The following CDK13 variants were observed in gnomAD, a reference collection of about 807,000 sequenced individuals.
CDK13 encodes the protein cyclin dependent kinase 13, also known as cyclin-dependent kinase 13.
A neutral mutation model predicts 137.6 loss-of-function variants in CDK13; 40 were observed. The observed-to-expected ratio is 0.29, with a 90% CI of 0.23 to 0.38. The LOEUF is 0.38. CDK13 is among the 10% of genes least tolerant of loss of function. The pLI, the probability that CDK13 is intolerant of heterozygous loss-of-function variation, is 1.00. For missense variants in CDK13, 1,704 were observed against 1,951.8 expected (o/e 0.87, Z 2.39); for synonymous variants, 869 against 760.1 (o/e 1.14, Z -2.36).
At chr7:39,957,628 C>G (rs75305039) in intron 1 of CDK13, among the ~76,000 whole-genome samples, 2 of 152,150 alleles carry the variant, frequency 1.3e-5, no homozygotes, top group Non-Finnish European at 2.9e-5. Context: ...CTTCTAGCTT[C>G]TACTTTATTA....
chr7:40,048,162 G>T, intron 7 of CDK13: 2 of 247,560 alleles, frequency 8.1e-6, no homozygotes, highest in Non-Finnish European at 1.5e-5. Flanking sequence ...TACGTATTCA[G>T]ATATTAAATA....
chr7:40,095,143 A>C lies in CDK13; in HGVS notation c.*163A>C, dbSNP rs946821730. On this transcript the variant is annotated 3_prime_UTR_variant, in exon 14 of 14. Transcript: ENST00000181839. ...CAATAGTTTAAAAAAGACAAAAAAA[A>C]CCTTTGCTTAAATTCATGCTGTTCT... 1.2e-5 allele frequency: 6 copies of C among 520,998 alleles called. No homozygotes were observed. The highest frequency in any genetic ancestry group is 7.9e-5 in the African/African-American group (4 of 50,916). 32.3% of individuals were successfully genotyped at this position (520,998 alleles called of 1,614,324 possible). A position where few individuals can be genotyped will look rare whatever the true frequency, so the allele number is the denominator to read the frequency against.
chr7:40,003,995 C>G (rs1020375010), intron 5 of CDK13, among the ~76,000 whole-genome samples: 1 of 152,176 alleles, frequency 6.6e-6, no homozygotes, highest in Non-Finnish European at 1.5e-5. Context: ...TGGTTTGTTA[C>G]TTGTTTCTGT....
rs1374208257 is a variant in CDK13 at position 39,991,783 on chromosome 7, TGTAATCCCAAAG to T, written c.1871+3526_1871+3537del. ...CTCAGCAGGTGTGGTGGCTCACAGT[TGTAATCCCAAAG>T]TGTAATAAGCACTTTGGGAAGCCAA... On this transcript the variant is annotated intron_variant, in intron 2 of 13. Coordinates refer to ENST00000181839, the MANE Select transcript of CDK13 (RefSeq NM_003718.5). Among the ~76,000 whole-genome samples, 3 of 152,018 alleles carry T rather than the reference TGTAATCCCAAAG, an allele frequency of 2.0e-5. No individual in the cohort carries two copies. The East Asian group carries it at 5.8e-4, about 29-fold the overall frequency.
At chr7:40,089,908 A>G (rs1301047929) in intron 12 of CDK13, among the ~76,000 whole-genome samples, 1 of 152,244 alleles carries the variant, frequency 6.6e-6, no homozygotes, top group Non-Finnish European at 1.5e-5. Flanking sequence ...AGAAAGCTTT[A>G]GGAAGATAAC....
chr7:39,970,137 T>C (rs1783964792), intron 1 of CDK13, among the ~76,000 whole-genome samples: 2 of 151,868 alleles, frequency 1.3e-5, no homozygotes, highest in South Asian at 4.2e-4. Flanking sequence ...CCTGAGTGGC[T>C]GGGATTATAG....
intron 2 of CDK13, among the ~76,000 whole-genome samples, chr7:39,993,600 C>A (rs1369983284): frequency 2.0e-5 from 3 of 151,996 alleles, no homozygotes; most frequent in Non-Finnish European, 4.4e-5. Context: ...TAGAATCATA[C>A]CATGGATAAT....
intron 5 of CDK13, 152 bp from the exon 6 acceptor site, chr7:40,045,684 A>G: frequency 1.9e-6 from 1 of 532,900 alleles, no homozygotes. Flanking sequence ...TATTAAGTCC[A>G]GAGAGAAAGA....
Position 39,995,723 on chromosome 7 carries a change from G to A in CDK13, c.1872-1771G>A, listed in dbSNP as rs190249817. ...AATATATTACTTTAAAAATAAAACTGCAGGCCTGGCATGGTGGCTCACGCC... is the reference window on the plus strand; with the variant it reads ...AATATATTACTTTAAAAATAAAACTACAGGCCTGGCATGGTGGCTCACGCC... On this transcript the variant is annotated intron_variant, in intron 2 of 13. Coordinates refer to ENST00000181839, the MANE Select transcript of CDK13 (RefSeq NM_003718.5). Among the ~76,000 whole-genome samples the A allele has an allele frequency of 6.4e-3, 979 of 152,308 alleles. 6 individuals are homozygous for A. Among genetic ancestry groups the A allele is most frequent in the Non-Finnish European group, 9.7e-3 (658 of 68,018 alleles).
At chr7:40,016,933 A>ATGG (rs1253430522) in intron 5 of CDK13, among the ~76,000 whole-genome samples, 18 of 152,122 alleles carry the variant, frequency 1.2e-4, no homozygotes, top group Non-Finnish European at 1.5e-5. Context: ...AATGGATAGA[A>ATGG]TGGGAATATG....
chr7:39,987,371 A>G (rs1784361609), intron 1 of CDK13, among the ~76,000 whole-genome samples: 1 of 152,164 alleles, frequency 6.6e-6, no homozygotes, highest in Admixed American at 6.5e-5. Flanking sequence ...CCTAATTTTT[A>G]CATTTGTAGA....
At chr7:40,069,612 C>T (rs1204140522) in intron 9 of CDK13, 1 of 247,434 alleles carries the variant, frequency 4.0e-6, no homozygotes, top group African/African-American at 2.2e-5. Context: ...ATGATGAGAC[C>T]TAGTGTCAGT....
At chr7:39,967,207 C>G (rs1050300654) in intron 1 of CDK13, among the ~76,000 whole-genome samples, 4 of 152,112 alleles carry the variant, frequency 2.6e-5, no homozygotes, top group African/African-American at 9.7e-5. Flanking sequence ...GTGGGCAGAT[C>G]GCTTGAGCTC....
chr7:39,969,822 C>G lies in CDK13; in HGVS notation c.1212-17777C>G, dbSNP rs974194582. Among the ~76,000 whole-genome samples the G allele has an allele frequency of 3.9e-5, 6 of 152,082 alleles. No homozygotes were observed. In the South Asian group the frequency reaches 1.0e-3, roughly 26 times the overall value. ...CCTTCCTATTTTTTGCTAAGTGTCT[C>G]AAAATGTTCATTCTTCATGAATTGG... On this transcript the variant is annotated intron_variant, in intron 1 of 13. Transcript: ENST00000181839.
At chr7:40,049,489 A>G (rs1299459898) in intron 7 of CDK13, among the ~76,000 whole-genome samples, 1 of 151,898 alleles carries the variant, frequency 6.6e-6, no homozygotes, top group Non-Finnish European at 1.5e-5. Flanking sequence ...ATTGAGACCC[A>G]GAAAGGGCTG....
In CDK13 at chr7:40,083,307, C is replaced by CAA. The variant is rs143379108; in HGVS notation, c.3029+4471_3029+4472dup. On this transcript the variant is annotated intron_variant, in intron 11 of 13. Coordinates refer to ENST00000181839, the MANE Select transcript of CDK13 (RefSeq NM_003718.5). Reference sequence around the variant, plus strand: ...GTAACATAAGGAGACCCTGTCTTTACAAAAAAAAAAAAAAAAGATGAAGAA... The same window carrying CAA: ...GTAACATAAGGAGACCCTGTCTTTACAAAAAAAAAAAAAAAAAAGATGAAGAA... Among the ~76,000 whole-genome samples the CAA allele has an allele frequency of 1.7e-3, 137 of 79,906 alleles. 2 individuals are homozygous for CAA. The South Asian group carries it at 0.018, about 11-fold the overall frequency. 52.4% of individuals were successfully genotyped at this position (79,906 alleles called of 152,430 possible). A position where few individuals can be genotyped will look rare whatever the true frequency, so the allele number is the denominator to read the frequency against.
chr7:40,000,130 C>G (rs1784652562), intron 4 of CDK13, among the ~76,000 whole-genome samples: 1 of 113,370 alleles, frequency 8.8e-6, no homozygotes, highest in Non-Finnish European at 2.2e-5. Flanking sequence ...AATCCTAGCA[C>G]TTTGGGAGGC....
chr7:39,955,234 C>A (rs1303903903), intron 1 of CDK13, among the ~76,000 whole-genome samples: 1 of 152,116 alleles, frequency 6.6e-6, no homozygotes, highest in East Asian at 1.9e-4. Context: ...AAATATTTAA[C>A]ATATATTGAC....
intron 1 of CDK13, among the ~76,000 whole-genome samples, chr7:39,962,547 A>G (rs1273311579): frequency 2.0e-5 from 3 of 152,042 alleles, no homozygotes; most frequent in Non-Finnish European, 2.9e-5. Context: ...TTGTCACTTG[A>G]GTAGATTGCA....
Sources: allele counts gnomAD v4.1 joint callset (sites outside exome capture counted in the v4.1 genomes callset), GRCh38; gene constraint gnomAD v4.1.1; transcripts MANE v1.5; gene names NCBI Gene and HGNC (gene_info 2026-07-23, HGNC 2026-07-21).